The following YIPF5 variants were observed in gnomAD, a reference collection of about 807,000 sequenced individuals.
The protein encoded by YIPF5 is protein YIPF5.
YIPF5 carries 8 observed loss-of-function variants against 30.4 expected under a neutral mutation model. The observed-to-expected ratio is 0.26, with a 90% CI of 0.15 to 0.47. The LOEUF (loss-of-function observed/expected upper bound fraction) is 0.47. Ranked by LOEUF, YIPF5 falls within the 20% of genes least tolerant of loss-of-function variation. The pLI, the probability that YIPF5 is intolerant of heterozygous loss-of-function variation, is 0.99. For synonymous variants in YIPF5, 104 were observed against 107.9 expected (o/e 0.96, Z 0.23); for missense variants, 282 against 301.8 (o/e 0.93, Z 0.49).
intron 5 of YIPF5, among the ~76,000 whole-genome samples, chr5:144,161,269 T>C (rs977392001): frequency 6.6e-6 from 1 of 151,564 alleles, no homozygotes; most frequent in Admixed American, 6.6e-5. Context: ...GATTTTATAT[T>C]GAGACAATCT....
intron 3 of YIPF5, 73 bp downstream of exon 3, chr5:144,165,359 T>C (rs906797644): frequency 1.3e-6 from 2 of 1,537,940 alleles, no homozygotes; most frequent in African/African-American, 2.8e-5. Flanking sequence ...AGACAATTTC[T>C]CCAAATTAAG....
intron 1 of YIPF5, chr5:144,170,248 T>G: frequency 2.6e-6 from 1 of 382,186 alleles, no homozygotes; most frequent in Non-Finnish European, 4.8e-6. Context: ...CCATAAGCGG[T>G]CTAAAATATC....
intron 2 of YIPF5, among the ~76,000 whole-genome samples, chr5:144,169,002 T>C (rs1322571663): frequency 6.6e-6 from 1 of 152,196 alleles, no homozygotes; most frequent in Admixed American, 6.5e-5. Context: ...TTTGGGTGTT[T>C]GAGTGAATGC....
intron 3 of YIPF5, among the ~76,000 whole-genome samples, chr5:144,164,950 A>G (rs941965000): frequency 1.3e-5 from 2 of 152,184 alleles, no homozygotes; most frequent in African/African-American, 4.8e-5. Context: ...GTCTCTATGC[A>G]TATGTGTGCA....
chr5:144,163,823 A>G (rs1478147787), intron 4 of YIPF5: 1 of 234,162 alleles, frequency 4.3e-6, no homozygotes, highest in African/African-American at 2.2e-5. Flanking sequence ...GAAAAGGCAG[A>G]ATTCTAATGA....
In YIPF5 at chr5:144,160,327, G is replaced by A; in HGVS notation, c.*70C>T. The A allele has an allele frequency of 1.3e-6, 2 of 1,544,134 alleles. No homozygotes were observed. Among genetic ancestry groups the A allele is most frequent in the Non-Finnish European group, 1.7e-6 (2 of 1,143,918 alleles). ...GAGAGTTGCGCTGCAGCAGTTTGCT[G>A]GTCCAATTTAAGAGTTCAAGGTCCT... is the stretch of plus-strand genomic sequence containing the variant. On this transcript the variant is annotated 3_prime_UTR_variant, in exon 6 of 6. Transcript: ENST00000274496.
In YIPF5 at chr5:144,160,082, T is replaced by C; in HGVS notation, c.*315A>G. ...AGCTTTGTGTTTGGTTTCCCACAGT[T>C]GATAAAAATCTATCAAAAACATTAT... On this transcript the variant is annotated 3_prime_UTR_variant, in exon 6 of 6. Coordinates refer to ENST00000274496, the MANE Select transcript of YIPF5 (RefSeq NM_030799.9). The C allele has an allele frequency of 1.9e-6, 2 of 1,026,152 alleles. No individual in the cohort carries two copies. The highest frequency in any genetic ancestry group is 2.3e-6 in the Non-Finnish European group (2 of 857,178). The allele number at this position is 1,026,152 out of a possible 1,614,324, so 63.6% of individuals were successfully genotyped here. A position where few individuals can be genotyped will look rare whatever the true frequency, so the allele number is the denominator to read the frequency against.
chr5:144,163,791 G>T, intron 4 of YIPF5: 3 of 180,218 alleles, frequency 1.7e-5, no homozygotes, highest in Non-Finnish European at 3.4e-5. Context: ...AAGCAATAGT[G>T]TAAAAACTGT....
intron 5 of YIPF5, among the ~76,000 whole-genome samples, chr5:144,161,916 T>C (rs973963238): frequency 1.1e-4 from 16 of 152,316 alleles, no homozygotes; most frequent in African/African-American, 3.8e-4. Flanking sequence ...ACTAATGACT[T>C]GACCTTTTTC....
chr5:144,158,228 A>G lies in YIPF5; in HGVS notation c.*2169T>C, dbSNP rs1344962840. 1 of 321,814 alleles carries G rather than the reference A, an allele frequency of 3.1e-6. No homozygotes were observed. Among genetic ancestry groups the G allele is most frequent in the Non-Finnish European group, 5.8e-6 (1 of 173,266 alleles). 19.9% of individuals were successfully genotyped at this position (321,814 alleles called of 1,614,324 possible). ...TATGCCTACATAACAGAGTTTGATA[A>G]GAGAAGTTTTGGCTATATACAACTC... On this transcript the variant is annotated 3_prime_UTR_variant, in exon 6 of 6. Transcript: ENST00000274496.
At chr5:144,162,132 C>T (rs772214240) in intron 5 of YIPF5, 86 bp downstream of exon 5, 16 of 1,410,196 alleles carry the variant, frequency 1.1e-5, no homozygotes, top group Admixed American at 6.2e-5. Context: ...TTTGCTGAAT[C>T]GGTGATTTAT....
intron 2 of YIPF5, among the ~76,000 whole-genome samples, chr5:144,165,887 G>A (rs1056238324): frequency 1.3e-5 from 2 of 152,236 alleles, no homozygotes; most frequent in South Asian, 4.1e-4. Flanking sequence ...AGGTTAGGAG[G>A]TCAACAAATG....
Position 144,164,092 on chromosome 5 carries a change from G to T in YIPF5, c.429+19C>A, listed in dbSNP as rs761302325. ...GCTGTTCTTTAATTGCACCCTGAAG[G>T]TTGAAATGAAAATCTTACCAGTAGC... On this transcript the variant is annotated intron_variant, in intron 4 of 5. Transcript: ENST00000274496. The T allele has an allele frequency of 6.2e-7, 1 of 1,606,402 alleles. No homozygotes were observed. The highest frequency in any genetic ancestry group is 1.1e-5 in the South Asian group (1 of 88,782).
rs1580762121 is a variant in YIPF5, at chr5:144,170,044, A to C, written c.-10-79T>G. The C allele has an allele frequency of 2.7e-6, 3 of 1,119,332 alleles. No individual in the cohort carries two copies. In the East Asian group the frequency reaches 7.2e-5, roughly 27 times the overall value. The allele number at this position is 1,119,332 out of a possible 1,614,324, so 69.3% of individuals were successfully genotyped here. On this transcript the variant is annotated intron_variant, in intron 1 of 5. Transcript: ENST00000274496. ...TCGTTCCTGGCAGTCTGCTTAAGCA[A>C]ATAGAAACACAACAAATATTTTTTC...
At chr5:144,166,627 A>C (rs1366797352) in intron 2 of YIPF5, among the ~76,000 whole-genome samples, 2 of 152,324 alleles carry the variant, frequency 1.3e-5, no homozygotes, top group African/African-American at 4.8e-5. Flanking sequence ...CTCAAGTCTG[A>C]ATAACCATAG....
Position 144,158,731 on chromosome 5 carries a change from AC to A in YIPF5, c.*1665del. ...TTAAAGCAATTTGGTAAGTTTGAAA[AC>A]CTAGCCCAAAACAAATTAATGACAA... On this transcript the variant is annotated 3_prime_UTR_variant, in exon 6 of 6. Coordinates refer to ENST00000274496, the MANE Select transcript of YIPF5 (RefSeq NM_030799.9). 1 of 1,009,384 alleles carries A rather than the reference AC, an allele frequency of 9.9e-7. No individual in the cohort carries two copies. Among genetic ancestry groups the A allele is most frequent in the Non-Finnish European group, 1.2e-6 (1 of 846,274 alleles). 62.5% of individuals were successfully genotyped at this position (1,009,384 alleles called of 1,614,324 possible). A position where few individuals can be genotyped will look rare whatever the true frequency, so the allele number is the denominator to read the frequency against.
At position 144,160,351 on chromosome 5, in the gene YIPF5, C is replaced by G. The variant is rs1213138570; in HGVS notation, c.*46G>C. On this transcript the variant is annotated 3_prime_UTR_variant, in exon 6 of 6. Transcript: ENST00000274496. Reference sequence around the variant, plus strand: ...TGGTCCAATTTAAGAGTTCAAGGTCCTTTTTGTACATCTGGCCCACTGATG... The same window carrying G: ...TGGTCCAATTTAAGAGTTCAAGGTCGTTTTTGTACATCTGGCCCACTGATG... 6.3e-7 allele frequency: 1 copy of G among 1,580,924 alleles called. No individual in the cohort carries two copies. The highest frequency in any genetic ancestry group is 8.6e-7 in the Non-Finnish European group (1 of 1,161,054).
intron 4 of YIPF5, among the ~76,000 whole-genome samples, chr5:144,163,681 G>A (rs1376565727): frequency 2.0e-5 from 3 of 151,362 alleles, no homozygotes; most frequent in African/African-American, 7.3e-5. Context: ...GTGATAAATT[G>A]GGAAAATAAT....
Position 144,164,246 on chromosome 5 carries a change from G to C in YIPF5, c.294C>G (p.Ile98Met), listed in dbSNP as rs1318750688. The C allele has an allele frequency of 3.1e-6, 5 of 1,608,232 alleles. No homozygotes were observed. In the African/African-American group the frequency reaches 6.7e-5, roughly 22 times the overall value. The change falls in exon 4 of 6, where the codon ATC becomes ATG. Residue 98 changes from isoleucine (I) to methionine (M), a missense_variant. By Grantham distance (10) the Ile-to-Met change is conservative. Coordinates refer to ENST00000274496, the MANE Select transcript of YIPF5 (RefSeq NM_030799.9). Reference sequence around the variant, plus strand: ...TTTTTTGCCAGATGTGGTCAAAATTGATACCTAACTCTAAAGAGAAAGAAA... The same window carrying C: ...TTTTTTGCCAGATGTGGTCAAAATTCATACCTAACTCTAAAGAGAAAGAAA... ...DEPPLLEELG[I>M]NFDHIWQKTL... is the part of the protein sequence containing the mutation.
Sources: gnomAD v4.1 joint callset for allele counts (sites outside exome capture counted in the v4.1 genomes callset) on GRCh38, gnomAD v4.1.1 for gene constraint, MANE v1.5 for transcripts, NCBI Gene and HGNC (gene_info 2026-07-23, HGNC 2026-07-21) for gene names.